Variants in FGD6 observed in about 807,000 individuals in gnomAD.
FGD6 encodes the protein FYVE, RhoGEF and PH domain-containing protein 6.
In FGD6, 90 loss-of-function variants were observed where a neutral mutation model predicts 149.4. The observed-to-expected ratio is 0.60, with a 90% CI of 0.51 to 0.72. The LOEUF is 0.72. FGD6 is among the 30% of genes least tolerant of loss of function. FGD6 has a pLI of 0.00. For synonymous variants in FGD6, 527 were observed against 584.0 expected, an observed-to-expected ratio of 0.90 and a Z score of 1.41; for missense variants, 1,437 against 1,684.8, an observed-to-expected ratio of 0.85 and a Z score of 2.57.
rs74882288 is a variant in FGD6, at chr12:95,150,323, G to A, written c.2685+2488C>T. ...ATTACAGGCATGAGCCACCGTACCCGGCCCAAATATTTTTTTAAATGCAGA... is the reference window on the plus strand; with the variant it reads ...ATTACAGGCATGAGCCACCGTACCCAGCCCAAATATTTTTTTAAATGCAGA... On this transcript the variant is annotated intron_variant, in intron 5 of 20. Transcript: ENST00000343958. Among the ~76,000 whole-genome samples the A allele has an allele frequency of 6.1e-4, 93 of 152,032 alleles. 1 individual carries two copies. In the East Asian group the frequency reaches 0.015, roughly 25 times the overall value.
At position 95,084,511 on chromosome 12, in the gene FGD6, G is replaced by T; in HGVS notation, c.4243C>A (p.His1415Asn). 6.4e-7 allele frequency: 1 copy of T among 1,567,028 alleles called. No homozygotes were observed. The highest frequency in any genetic ancestry group is 1.2e-5 in the South Asian group (1 of 80,726). Reference sequence around the variant, plus strand: ...CAGATTACTTACTTCTGAGCCGAATGAGCATCCTCTGCTTTGAATACATAA... The same window carrying T: ...CAGATTACTTACTTCTGAGCCGAATTAGCATCCTCTGCTTTGAATACATAA... Reference protein sequence around the residue: ...LFYVFKAEDAHSAQKWIEAFQ... With the variant: ...LFYVFKAEDANSAQKWIEAFQ... Residue 1415 changes from histidine to asparagine, a missense_variant, in exon 20 of 21, where the codon CAT becomes AAT. Physicochemically the swap from His to Asn is moderately conservative, Grantham distance 68 (BLOSUM62 1). Around this residue, in one of 2 missense-constraint regions of FGD6, gnomAD observed 382 missense variants for 538.7 expected, o/e 0.71. Coordinates refer to ENST00000343958, the MANE Select transcript of FGD6 (RefSeq NM_018351.4).
At chr12:95,159,499 C>T (rs548334609) in intron 3 of FGD6, among the ~76,000 whole-genome samples, 3 of 152,196 alleles carry the variant, frequency 2.0e-5, no homozygotes, top group Admixed American at 6.5e-5. Context: ...AGAAAATATT[C>T]GCAAATCATG....
In FGD6 at chr12:95,208,831, G is replaced by A; in HGVS notation, c.2441+12C>T. The A allele has an allele frequency of 5.0e-6, 8 of 1,605,460 alleles. No homozygotes were observed. Among genetic ancestry groups the A allele is most frequent in the Non-Finnish European group, 6.8e-6 (8 of 1,175,252 alleles). On this transcript the variant is annotated intron_variant, in intron 2 of 20. Coordinates refer to ENST00000343958, the MANE Select transcript of FGD6 (RefSeq NM_018351.4). ...ATGATGCATGCAAAAGTGTCTGTCT[G>A]GCACCTGTTACCTGGAATGCTGATG...
At chr12:95,128,299 C>A (rs1198420214) in intron 8 of FGD6, among the ~76,000 whole-genome samples, 1 of 152,078 alleles carries the variant, frequency 6.6e-6, no homozygotes, top group African/African-American at 2.4e-5. Flanking sequence ...ACAACAGGCA[C>A]GATCATGGCT....
At chr12:95,097,705 C>A (rs368640143) in intron 14 of FGD6, among the ~76,000 whole-genome samples, 1 of 149,480 alleles carries the variant, frequency 6.7e-6, no homozygotes, top group East Asian at 2.0e-4. Context: ...CAGGATGCTT[C>A]TCTGAGGTTC....
chr12:95,156,736 T>C (rs1478640230), intron 3 of FGD6, among the ~76,000 whole-genome samples: 1 of 152,136 alleles, frequency 6.6e-6, no homozygotes, highest in African/African-American at 2.4e-5. Flanking sequence ...TCACAGAACC[T>C]GCCGACATGT....
intron 14 of FGD6, among the ~76,000 whole-genome samples, chr12:95,098,529 CA>C (rs1398269221): frequency 6.6e-6 from 1 of 152,174 alleles, no homozygotes; most frequent in Non-Finnish European, 1.5e-5. Context: ...GAGCTCGTGC[CA>C]CACTGACCTT....
intron 6 of FGD6, among the ~76,000 whole-genome samples, chr12:95,139,588 G>A (rs556545384): frequency 1.3e-5 from 2 of 150,638 alleles, no homozygotes; most frequent in East Asian, 2.0e-4. Context: ...TGCCTGTCTC[G>A]GCCTCCCAAA....
At chr12:95,148,803 G>A (rs1565908368) in intron 5 of FGD6, among the ~76,000 whole-genome samples, 2 of 66,678 alleles carry the variant, frequency 3.0e-5, no homozygotes, top group East Asian at 4.1e-4. Flanking sequence ...CATAGCATAT[G>A]TTATATTACA....
At chr12:95,139,171 GGCTCAT>G (rs1879768201) in intron 6 of FGD6, among the ~76,000 whole-genome samples, 2 of 152,176 alleles carry the variant, frequency 1.3e-5, no homozygotes, top group South Asian at 4.1e-4. Context: ...TAGGTGCAGT[GGCTCAT>G]GCCTGTAATC....
rs1412294466 is a variant in FGD6, at chr12:95,079,532, C to G, written c.*1988G>C. 1 of 152,136 alleles carries G rather than the reference C, an allele frequency of 6.6e-6. No individual in the cohort carries two copies. Among genetic ancestry groups the G allele is most frequent in the Non-Finnish European group, 1.5e-5 (1 of 68,034 alleles). The allele number at this position is 152,136 out of a possible 1,614,324, so 9.4% of individuals were successfully genotyped here. On this transcript the variant is annotated 3_prime_UTR_variant, in exon 21 of 21. Transcript: ENST00000343958. ...AACTTGTCTTGCTAAATGCCAGACGCAGAAACAGTTTATAAGGTACAACTT... is the reference window on the plus strand; with the variant it reads ...AACTTGTCTTGCTAAATGCCAGACGGAGAAACAGTTTATAAGGTACAACTT...
In FGD6 at chr12:95,158,196, G is replaced by T. The variant is rs532539727; in HGVS notation, c.2587-5203C>A. Among the ~76,000 whole-genome samples, 3 of 123,748 alleles carry T rather than the reference G, an allele frequency of 2.4e-5. No individual in the cohort carries two copies. The East Asian group carries it at 7.2e-4, about 30-fold the overall frequency. 81.2% of individuals were successfully genotyped at this position (123,748 alleles called of 152,430 possible). ...TTTTTTTTTTTTTTTTTAACACAGGGTCTCACTGTTGGTCAGGCTGGAGTG... is the reference window on the plus strand; with the variant it reads ...TTTTTTTTTTTTTTTTTAACACAGGTTCTCACTGTTGGTCAGGCTGGAGTG... On this transcript the variant is annotated intron_variant, in intron 3 of 20. Transcript: ENST00000343958.
intron 14 of FGD6, among the ~76,000 whole-genome samples, chr12:95,095,546 A>T (rs184882290): frequency 6.6e-6 from 1 of 152,216 alleles, no homozygotes; most frequent in East Asian, 1.9e-4. Flanking sequence ...AAATCTATAC[A>T]TACACAGTAC....
At chr12:95,217,162 G>A (rs1354169173) in intron 1 of FGD6, 63 bp downstream of exon 1, 16 of 1,606,628 alleles carry the variant, frequency 1.0e-5, no homozygotes, top group Non-Finnish European at 1.4e-5. Flanking sequence ...AGTTGCTCGC[G>A]AGCCCAAGCC....
At chr12:95,086,736 T>C (rs946674997) in intron 18 of FGD6, among the ~76,000 whole-genome samples, 27 of 147,680 alleles carry the variant, frequency 1.8e-4, no homozygotes, top group Non-Finnish European at 4.0e-4. Flanking sequence ...TTAGTAGAGA[T>C]GGGGTTTCAT....
chr12:95,088,263 A>G (rs1592824597), intron 18 of FGD6, among the ~76,000 whole-genome samples: 1 of 152,308 alleles, frequency 6.6e-6, no homozygotes, highest in East Asian at 1.9e-4. Flanking sequence ...AGGGACTATA[A>G]AACTACATTT....
chr12:95,177,848 TATAGG>T (rs1881175479), intron 2 of FGD6, among the ~76,000 whole-genome samples: 1 of 152,174 alleles, frequency 6.6e-6, no homozygotes, highest in Admixed American at 6.6e-5. Flanking sequence ...TCAGTTCCCT[TATAGG>T]ACTGCAGATT....
At chr12:95,212,334 T>C (rs183081941) in intron 1 of FGD6, among the ~76,000 whole-genome samples, 35 of 152,350 alleles carry the variant, frequency 2.3e-4, no homozygotes, top group Admixed American at 5.2e-4. Flanking sequence ...AAAAGATAAC[T>C]ACAATTTCTA....
intron 20 of FGD6, 143 bp downstream of exon 20, chr12:95,084,355 A>T: frequency 1.5e-6 from 1 of 689,462 alleles, no homozygotes; most frequent in Non-Finnish European, 2.2e-6. Context: ...TGAAGAGTTT[A>T]AATAATACGT....
Sources: allele counts gnomAD v4.1 joint callset (sites outside exome capture counted in the v4.1 genomes callset), GRCh38; gene constraint gnomAD v4.1.1; regional missense constraint gnomAD v4.1.1; transcripts MANE v1.5; gene names NCBI Gene and HGNC (gene_info 2026-07-23, HGNC 2026-07-21).